The following PCDHA1 variants were observed in gnomAD, a reference collection of about 807,000 sequenced individuals.
PCDHA1 encodes the protein protocadherin alpha 1.
A neutral mutation model predicts 61.3 loss-of-function variants in PCDHA1; 42 were observed. The ratio of observed to expected loss-of-function variants is 0.69; its 90% confidence interval spans 0.54 to 0.89. PCDHA1 has a LOEUF of 0.89. PCDHA1 is among the 40% of genes least tolerant of loss of function. The pLI is 0.00. For synonymous variants in PCDHA1, 610 were observed against 553.8 expected (o/e 1.10, Z -1.43); for missense variants, 1,256 against 1,235.3 (o/e 1.02, Z -0.25).
chr5:140,920,923 G>T (rs1229531762), intron 1 of PCDHA1, among the ~76,000 whole-genome samples: 1 of 151,200 alleles, frequency 6.6e-6, no homozygotes, highest in Non-Finnish European at 1.5e-5. Flanking sequence ...TCCAAGAGTA[G>T]GTGATCTAGC....
chr5:140,836,550 T>G, intron 1 of PCDHA1: 1 of 1,613,712 alleles, frequency 6.2e-7, no homozygotes, highest in Non-Finnish European at 8.5e-7. Context: ...GGCGTTGCGG[T>G]GCTCAGCGCC....
Position 140,821,990 on chromosome 5 carries a change from A to G in PCDHA1, c.2394+33306A>G, listed in dbSNP as rs1006572765. 3.2e-5 allele frequency: 52 copies of G among 1,613,966 alleles called. No homozygotes were observed. Among genetic ancestry groups the G allele is most frequent in the Admixed American group, 3.2e-4 (19 of 59,998 alleles). Reference sequence around the variant, plus strand: ...CGGGTGGCGTCCAAGGGCCGCGGGGACCTTCTGGAGGTAAATCTGCAGAAT... The same window carrying G: ...CGGGTGGCGTCCAAGGGCCGCGGGGGCCTTCTGGAGGTAAATCTGCAGAAT... On this transcript the variant is annotated intron_variant, in intron 1 of 3. Coordinates refer to ENST00000504120, the MANE Select transcript of PCDHA1 (RefSeq NM_018900.4).
At chr5:140,813,927 G>T (rs182316229) in intron 1 of PCDHA1, 1 of 152,448 alleles carries the variant, frequency 6.6e-6, no homozygotes, top group East Asian at 1.9e-4. Context: ...GACTTGAGGA[G>T]GTCAAGGCTA....
chr5:140,828,382 G>A (rs1769726529), intron 1 of PCDHA1: 1 of 1,614,172 alleles, frequency 6.2e-7, no homozygotes, highest in African/African-American at 1.3e-5. Flanking sequence ...AGCTGTGCGG[G>A]CGGAGCGCGG....
In PCDHA1 at chr5:140,786,898, A is replaced by G. The variant is rs369808605; in HGVS notation, c.608A>G (p.Glu203Gly). The G allele has an allele frequency of 5.6e-6, 9 of 1,614,062 alleles. No homozygotes were observed. In the South Asian group the frequency reaches 7.7e-5, roughly 14 times the overall value. ...GAATTGAGAAAATATTTGGATAGAGAAGAAACACCAGAACTTCACTTATTA... is the reference window on the plus strand; with the variant it reads ...GAATTGAGAAAATATTTGGATAGAGGAGAAACACCAGAACTTCACTTATTA... ...WLELRKYLDR[E>G]ETPELHLLLT... The change falls in exon 1 of 4, where the codon GAA (glutamate) becomes GGA (glycine). Residue 203 changes from glutamate to glycine, a missense_variant. Transcript: ENST00000504120.
intron 1 of PCDHA1, among the ~76,000 whole-genome samples, chr5:140,895,655 A>G (rs2065093360): frequency 6.6e-6 from 1 of 152,154 alleles, no homozygotes. Context: ...TCCCACTTAT[A>G]AGTGAGAACA....
At chr5:140,800,970 G>A in intron 1 of PCDHA1, 3 of 1,247,568 alleles carry the variant, frequency 2.4e-6, no homozygotes, top group Non-Finnish European at 3.1e-6. Context: ...AAGAAGATAC[G>A]TTTACATATT....
intron 1 of PCDHA1, among the ~76,000 whole-genome samples, chr5:140,925,696 A>G (rs2153579068): frequency 6.6e-6 from 1 of 150,926 alleles, no homozygotes; most frequent in African/African-American, 2.4e-5. Context: ...GTGGGTATCT[A>G]GCCTATTCTT....
At chr5:140,966,854 C>G in intron 1 of PCDHA1, 1 of 1,573,744 alleles carries the variant, frequency 6.4e-7, no homozygotes, top group Non-Finnish European at 8.6e-7. Context: ...GCCTCTCCTG[C>G]TGCTGTTGCT....
At chr5:140,823,018 G>A in intron 1 of PCDHA1, 1 of 1,614,236 alleles carries the variant, frequency 6.2e-7, no homozygotes, top group East Asian at 2.2e-5. Context: ...CCTGGACCGC[G>A]AGAGCGTGTC....
chr5:140,853,510 A>C (rs2042773943), intron 1 of PCDHA1: 2 of 977,306 alleles, frequency 2.0e-6, no homozygotes, highest in African/African-American at 1.8e-5. Context: ...TGAAACAATA[A>C]TGAAGCTCCT....
intron 1 of PCDHA1, chr5:140,883,965 T>C: frequency 6.2e-7 from 1 of 1,613,128 alleles, no homozygotes; most frequent in Non-Finnish European, 8.5e-7. Flanking sequence ...CCGGCGCTGC[T>C]GACGCCCGGG....
chr5:140,796,472 C>G, intron 1 of PCDHA1: 1 of 1,612,142 alleles, frequency 6.2e-7, no homozygotes, highest in Non-Finnish European at 8.5e-7. Context: ...GGCGAGCGCG[C>G]GTTGTCGAGC....
intron 1 of PCDHA1, chr5:140,927,490 C>G: frequency 1.2e-6 from 2 of 1,614,132 alleles, no homozygotes; most frequent in Non-Finnish European, 8.5e-7. Flanking sequence ...CGCCACCCAC[C>G]TGCTGGTGCT....
Position 140,936,735 on chromosome 5 carries a change from A to G in PCDHA1, c.2395-42214A>G, listed in dbSNP as rs75635765. 5.4e-3 allele frequency among the ~76,000 whole-genome samples: 829 copies of G among 152,226 alleles called. 3 individuals carry two copies. The highest frequency in any genetic ancestry group is 0.019 in the African/African-American group (798 of 41,528). ...AATACATTCTGTGTTAAATATAGTA[A>G]CTTTTCATTTGTATTGATATCTAAT... On this transcript the variant is annotated intron_variant, in intron 1 of 3. Coordinates refer to ENST00000504120, the MANE Select transcript of PCDHA1 (RefSeq NM_018900.4).
chr5:141,010,205 G>A lies in PCDHA1; in HGVS notation c.*268G>A, dbSNP rs1554262753. On this transcript the variant is annotated 3_prime_UTR_variant, in exon 4 of 4. Transcript: ENST00000504120. ...ACCCAAGTTTCCTTTCTCCTCCGCC[G>A]CAAAGGAGAGGCTTCCCAGCCCCGC... 4 of 1,551,732 alleles carry A rather than the reference G, an allele frequency of 2.6e-6. No homozygotes were observed. Among genetic ancestry groups the A allele is most frequent in the African/African-American group, 1.4e-5 (1 of 73,014 alleles).
chr5:140,828,136 C>G (rs936364862), intron 1 of PCDHA1: 1 of 1,613,734 alleles, frequency 6.2e-7, no homozygotes. Context: ...AATGTCTGCT[C>G]CTCCCGCTTC....
At chr5:140,944,378 A>G (rs1204116678) in intron 1 of PCDHA1, among the ~76,000 whole-genome samples, 1 of 151,884 alleles carries the variant, frequency 6.6e-6, no homozygotes, top group Admixed American at 6.6e-5. Flanking sequence ...ATAGAGATGG[A>G]GTCTCACTGT....
intron 1 of PCDHA1, among the ~76,000 whole-genome samples, chr5:140,925,094 G>A (rs1489905457): frequency 6.6e-6 from 1 of 151,188 alleles, no homozygotes; most frequent in Non-Finnish European, 1.5e-5. Flanking sequence ...AGGAAGGAAG[G>A]AAGGAAGGAA....
Sources: gnomAD v4.1 joint callset for allele counts (sites outside exome capture counted in the v4.1 genomes callset) on GRCh38, gnomAD v4.1.1 for gene constraint, MANE v1.5 for transcripts, NCBI Gene and HGNC (gene_info 2026-07-23, HGNC 2026-07-21) for gene names.